Variants in PADI4 observed in about 807,000 individuals in gnomAD.
PADI4 encodes protein-arginine deiminase type-4.
PADI4 carries 62 observed loss-of-function variants against 75.0 expected under a neutral mutation model. The observed-to-expected ratio is 0.83, with a 90% CI of 0.67 to 1.02. The LOEUF is 1.02. Ranked by LOEUF, PADI4 falls within the 50% of genes least tolerant of loss-of-function variation. PADI4 has a pLI of 0.00. For synonymous variants in PADI4, 361 were observed against 348.1 expected (o/e 1.04, Z -0.41); for missense variants, 845 against 850.5 (o/e 0.99, Z 0.08).
In PADI4 at chr1:17,334,892, A is replaced by G. The variant is rs373091939; in HGVS notation, c.340+883A>G. On this transcript the variant is annotated intron_variant, in intron 3 of 15. Coordinates refer to ENST00000375448, the MANE Select transcript of PADI4 (RefSeq NM_012387.3). ...CATGGTGGCTCACACCTGCAATCCC[A>G]GCGCTTTGGAAGGCGGAGGCAGGAG... is the stretch of plus-strand genomic sequence containing the variant. 29 of 256,884 alleles carry G rather than the reference A, an allele frequency of 1.1e-4. No individual in the cohort carries two copies. In the East Asian group the frequency reaches 1.5e-3, roughly 13 times the overall value. The allele number at this position is 256,884 out of a possible 1,614,324, so 15.9% of individuals were successfully genotyped here.
chr1:17,348,260 T>C (rs2074555533), intron 10 of PADI4: 2 of 438,934 alleles, frequency 4.6e-6, no homozygotes, highest in African/African-American at 4.0e-5. Context: ...AAAACCCTTG[T>C]CACCCGTGAG....
intron 14 of PADI4, 62 bp downstream of exon 14, chr1:17,358,970 TC>T: frequency 1.7e-6 from 2 of 1,158,472 alleles, no homozygotes; most frequent in East Asian, 2.5e-5. Context: ...TCAGCCACTT[TC>T]CCAGTGATTA....
chr1:17,329,817 C>A (rs568799770), intron 1 of PADI4, among the ~76,000 whole-genome samples: 17 of 152,210 alleles, frequency 1.1e-4, no homozygotes, highest in Admixed American at 7.9e-4. Flanking sequence ...ACTTTCCTTT[C>A]TGAATGCCTT....
At position 17,323,855 on chromosome 1, in the gene PADI4, AC is replaced by A. The variant is rs1471231506; in HGVS notation, c.93-7113del. ...AAAAACAAGCAAACAAACAACAACA[AC>A]AACAAAAAAAACACAAACAAACAAA... On this transcript the variant is annotated intron_variant, in intron 1 of 15. Coordinates refer to ENST00000375448, the MANE Select transcript of PADI4 (RefSeq NM_012387.3). 3.3e-3 allele frequency among the ~76,000 whole-genome samples: 335 copies of A among 101,060 alleles called. 2 individuals carry two copies. The highest frequency in any genetic ancestry group is 0.01 in the African/African-American group (320 of 30,716). The allele number at this position is 101,060 out of a possible 152,430, so 66.3% of individuals were successfully genotyped here. A position where few individuals can be genotyped will look rare whatever the true frequency, so the allele number is the denominator to read the frequency against.
At position 17,358,914 on chromosome 1, in the gene PADI4, A is replaced by G. The variant is rs1012989387; in HGVS notation, c.1629+6A>G. 8 of 1,591,334 alleles carry G rather than the reference A, an allele frequency of 5.0e-6. No individual in the cohort carries two copies. In the African/African-American group the frequency reaches 9.4e-5, roughly 19 times the overall value. ...AACATAATTCATTTGTGGAGGTAGGAGCCTGGGTGCCTACACCCCAGCAGA... is the reference window on the plus strand; with the variant it reads ...AACATAATTCATTTGTGGAGGTAGGGGCCTGGGTGCCTACACCCCAGCAGA... On this transcript the variant is annotated splice_donor_region_variant and intron_variant, in intron 14 of 15. Transcript: ENST00000375448.
At chr1:17,315,857 G>A (rs897520751) in intron 1 of PADI4, among the ~76,000 whole-genome samples, 1 of 151,746 alleles carries the variant, frequency 6.6e-6, no homozygotes, top group Admixed American at 6.6e-5. Context: ...TCCCATTCAG[G>A]GGCTGCTCTC....
At chr1:17,327,653 T>C (rs1557548924) in intron 1 of PADI4, among the ~76,000 whole-genome samples, 1 of 152,018 alleles carries the variant, frequency 6.6e-6, no homozygotes, top group African/African-American at 2.4e-5. Flanking sequence ...GCAATTCTCC[T>C]GCCTCAGCCT....
intron 3 of PADI4, chr1:17,334,811 C>A (rs2074281168): frequency 2.0e-5 from 7 of 353,020 alleles, no homozygotes; most frequent in South Asian, 8.7e-5. Flanking sequence ...TCATTTTGAA[C>A]AATAATATCA....
chr1:17,329,242 C>T (rs539537221), intron 1 of PADI4, among the ~76,000 whole-genome samples: 49 of 150,398 alleles, frequency 3.3e-4, no homozygotes, highest in Admixed American at 2.8e-3. Flanking sequence ...AGGAGAATGG[C>T]GTGAACCCAG....
At position 17,356,535 on chromosome 1, in the gene PADI4, C is replaced by T. The variant is rs1161918486; in HGVS notation, c.1558+76C>T. The T allele has an allele frequency of 8.1e-6, 7 of 867,402 alleles. No individual in the cohort carries two copies. The highest frequency in any genetic ancestry group is 1.3e-5 in the Non-Finnish European group (7 of 530,832). 53.7% of individuals were successfully genotyped at this position (867,402 alleles called of 1,614,324 possible). The stretch of plus-strand genomic sequence containing the variant: ...TAGTCCGCTGTTGCCTGGAGGGAAT[C>T]ATCCAGGCAATAGGGTAGCATCTGA... On this transcript the variant is annotated intron_variant, in intron 13 of 15. Coordinates refer to ENST00000375448, the MANE Select transcript of PADI4 (RefSeq NM_012387.3). The surrounding 1 kb of genome is among the most constrained non-coding windows in gnomAD (Gnocchi z 4.1).
At chr1:17,319,528 A>G (rs1465671055) in intron 1 of PADI4, among the ~76,000 whole-genome samples, 5 of 152,134 alleles carry the variant, frequency 3.3e-5, no homozygotes, top group African/African-American at 1.2e-4. Flanking sequence ...TGCTTAAAAA[A>G]AGAGAGAGAG....
chr1:17,332,186 G>T (rs2074225917), intron 2 of PADI4, among the ~76,000 whole-genome samples: 1 of 152,146 alleles, frequency 6.6e-6, no homozygotes, highest in African/African-American at 2.4e-5. Context: ...TCTCATAAGG[G>T]TACTTGCCAT....
intron 7 of PADI4, 28 bp from the exon 8 acceptor site, chr1:17,342,271 C>CGGGGG: frequency 6.7e-7 from 1 of 1,485,540 alleles, no homozygotes; most frequent in Non-Finnish European, 9.4e-7. Flanking sequence ...GTGACAGCCC[C>CGGGGG]TCCTTCCCCT....
At chr1:17,315,805 C>T (rs2100658307) in intron 1 of PADI4, among the ~76,000 whole-genome samples, 1 of 152,142 alleles carries the variant, frequency 6.6e-6, no homozygotes, top group Admixed American at 6.5e-5. Flanking sequence ...AGGAATTCTT[C>T]CTTTCCATTT....
intron 1 of PADI4, among the ~76,000 whole-genome samples, chr1:17,317,340 C>T (rs2073958452): frequency 6.6e-6 from 1 of 152,172 alleles, no homozygotes; most frequent in African/African-American, 2.4e-5. Flanking sequence ...GAGATCTTGG[C>T]TCACTGCAAT....
At chr1:17,337,684 G>A (rs1008000710) in intron 4 of PADI4, among the ~76,000 whole-genome samples, 2 of 152,068 alleles carry the variant, frequency 1.3e-5, no homozygotes, top group South Asian at 2.1e-4. Flanking sequence ...TTGGGAGGCC[G>A]AGGAGGATGG....
At chr1:17,317,382 C>T (rs1352335805) in intron 1 of PADI4, among the ~76,000 whole-genome samples, 1 of 152,176 alleles carries the variant, frequency 6.6e-6, no homozygotes, top group African/African-American at 2.4e-5. Flanking sequence ...AATTCTCCTG[C>T]CTCAGCCTCC....
intron 1 of PADI4, among the ~76,000 whole-genome samples, chr1:17,322,055 A>G (rs575479515): frequency 6.6e-6 from 1 of 152,348 alleles, no homozygotes; most frequent in South Asian, 2.1e-4. Context: ...CTGCATTTTT[A>G]CATGAGATTA....
At chr1:17,351,609 C>CAAAAA (rs56047360) in intron 10 of PADI4, among the ~76,000 whole-genome samples, 1 of 98,026 alleles carries the variant, frequency 1.0e-5, no homozygotes, top group Non-Finnish European at 1.9e-5. Context: ...GACCTGGTCT[C>CAAAAA]AAAAAAAAAA....
Sources: allele counts gnomAD v4.1 joint callset (sites outside exome capture counted in the v4.1 genomes callset), GRCh38; gene constraint gnomAD v4.1.1; non-coding constraint Gnocchi (gnomAD v3.1); transcripts MANE v1.5; gene names NCBI Gene and HGNC (gene_info 2026-07-23, HGNC 2026-07-21).